The following ABCC4 variants were observed in gnomAD, a reference collection of about 807,000 sequenced individuals.
The protein encoded by ABCC4 is ATP-binding cassette sub-family C member 4.
A neutral mutation model predicts 168.5 loss-of-function variants in ABCC4; 102 were observed. That is an observed-to-expected ratio of 0.61 (90% CI 0.52 to 0.71). The LOEUF (loss-of-function observed/expected upper bound fraction) is 0.71, where lower values mean the gene tolerates loss of function less well. Among genes scored for constraint, ABCC4 ranks in the 30% least tolerant of loss-of-function variants. The probability of loss-of-function intolerance (pLI) is 0.00; values close to 1 mark genes in which losing one functional copy is unlikely to be tolerated. For synonymous variants in ABCC4, 617 were observed against 590.7 expected (o/e 1.04, Z -0.65); for missense variants, 1,402 against 1,605.8 (o/e 0.87, Z 2.17).
intron 1 of ABCC4, among the ~76,000 whole-genome samples, chr13:95,286,346 C>T (rs1001618323): frequency 6.6e-6 from 1 of 151,918 alleles, no homozygotes; most frequent in African/African-American, 2.4e-5. Flanking sequence ...TCTCCAACTC[C>T]TGACCTCAGG....
At chr13:95,157,568 A>G (rs1211273672) in intron 19 of ABCC4, among the ~76,000 whole-genome samples, 1 of 152,084 alleles carries the variant, frequency 6.6e-6, no homozygotes, top group Non-Finnish European at 1.5e-5. Flanking sequence ...AAAGAGAGAG[A>G]GAACTGGCTC....
At chr13:95,253,374 T>C (rs138696285) in intron 1 of ABCC4, among the ~76,000 whole-genome samples, 87 of 152,252 alleles carry the variant, frequency 5.7e-4, no homozygotes, top group Admixed American at 9.8e-4. Flanking sequence ...TCTGTGTTGT[T>C]TGCTGCTAAG....
chr13:95,165,342 T>C (rs1307988940), intron 15 of ABCC4, among the ~76,000 whole-genome samples: 2 of 152,164 alleles, frequency 1.3e-5, no homozygotes, highest in Non-Finnish European at 2.9e-5. Flanking sequence ...TTCCTGAGTT[T>C]CAGAAATTGA....
chr13:95,027,741 A>G (rs1202668664), intron 30 of ABCC4, among the ~76,000 whole-genome samples: 1 of 152,224 alleles, frequency 6.6e-6, no homozygotes, highest in Non-Finnish European at 1.5e-5. Flanking sequence ...ATGCAAAACA[A>G]TATTCAAAGA....
At chr13:95,242,234 A>ATTTT (rs68070552) in intron 3 of ABCC4, among the ~76,000 whole-genome samples, 179 of 150,318 alleles carry the variant, frequency 1.2e-3, no homozygotes, top group African/African-American at 4.3e-3. Context: ...TAACTCCATA[A>ATTTT]TTTTTTTTTT....
intron 3 of ABCC4, among the ~76,000 whole-genome samples, chr13:95,240,884 T>C (rs2138781886): frequency 6.6e-6 from 1 of 152,084 alleles, no homozygotes; most frequent in African/African-American, 2.4e-5. Flanking sequence ...GGCAGAAGAA[T>C]GGCTTGAACC....
At chr13:95,184,250 T>C (rs919109917) in intron 11 of ABCC4, among the ~76,000 whole-genome samples, 2 of 152,168 alleles carry the variant, frequency 1.3e-5, no homozygotes, top group African/African-American at 4.8e-5. Context: ...CCAGAGACTT[T>C]CTGATGTGGG....
chr13:95,083,759 G>A (rs2034174957), intron 20 of ABCC4, among the ~76,000 whole-genome samples: 1 of 152,106 alleles, frequency 6.6e-6, no homozygotes, highest in Admixed American at 6.6e-5. Context: ...CCGATCTCAA[G>A]TGATCTGCCC....
intron 8 of ABCC4, among the ~76,000 whole-genome samples, chr13:95,204,261 T>G (rs1171633037): frequency 1.3e-5 from 2 of 152,122 alleles, no homozygotes; most frequent in Non-Finnish European, 2.9e-5. Context: ...GTTTTTGGAA[T>G]ACAACTAGAT....
intron 25 of ABCC4, among the ~76,000 whole-genome samples, chr13:95,071,253 T>C (rs1202558627): frequency 6.6e-6 from 1 of 152,024 alleles, no homozygotes; most frequent in Non-Finnish European, 1.5e-5. Flanking sequence ...AACAGACTAA[T>C]ACAGGACCAA....
chr13:95,269,446 T>C (rs764700133), intron 1 of ABCC4: 1 of 204,464 alleles, frequency 4.9e-6, no homozygotes, highest in Non-Finnish European at 1.0e-5. Context: ...TATATATATA[T>C]ATATATATAT....
At chr13:95,062,605 C>T (rs1309583302) in intron 26 of ABCC4, 99 bp downstream of exon 26, 2 of 1,143,982 alleles carry the variant, frequency 1.7e-6, no homozygotes, top group African/African-American at 3.2e-5. Context: ...AAAAAAAAAA[C>T]AATCCTTTCA....
chr13:95,130,750 T>A (rs955647381), intron 19 of ABCC4, among the ~76,000 whole-genome samples: 2 of 152,216 alleles, frequency 1.3e-5, no homozygotes, highest in African/African-American at 2.4e-5. Context: ...AATCTTTGGT[T>A]GCGATGGAGA....
chr13:95,025,255 A>ACACACC lies in ABCC4; in HGVS notation c.3871-3574_3871-3573insGGTGTG, dbSNP rs1566351092. On this transcript the variant is annotated intron_variant, in intron 30 of 30. Coordinates refer to ENST00000645237, the MANE Select transcript of ABCC4 (RefSeq NM_005845.5). ...CACCCATACACACACACCCACACAC[A>ACACACC]CACACACCCCCACACCCCCACACAC... 1.1e-3 allele frequency among the ~76,000 whole-genome samples: 36 copies of ACACACC among 31,988 alleles called. 1 individual carries two copies. The highest frequency in any genetic ancestry group is 1.3e-3 in the Non-Finnish European group (24 of 18,312). The allele number at this position is 31,988 out of a possible 152,430, so 21.0% of individuals were successfully genotyped here.
intron 1 of ABCC4, among the ~76,000 whole-genome samples, chr13:95,249,175 C>T (rs1260762429): frequency 6.6e-6 from 1 of 151,080 alleles, no homozygotes; most frequent in Non-Finnish European, 1.5e-5. Flanking sequence ...GAGCTGTGAT[C>T]GCCACTGCAC....
At chr13:95,074,989 C>T (rs184123839) in intron 22 of ABCC4, 68 of 159,130 alleles carry the variant, frequency 4.3e-4, no homozygotes, top group Non-Finnish European at 7.4e-4. Context: ...AACTACAGCA[C>T]GTGAGCCAGC....
At chr13:95,120,280 C>T (rs1395976526) in intron 19 of ABCC4, among the ~76,000 whole-genome samples, 1 of 152,100 alleles carries the variant, frequency 6.6e-6, no homozygotes, top group Non-Finnish European at 1.5e-5. Flanking sequence ...AAGAATTGGC[C>T]TTTGAGCCAG....
chr13:95,140,719 A>G (rs1388124451), intron 19 of ABCC4, among the ~76,000 whole-genome samples: 2 of 152,166 alleles, frequency 1.3e-5, no homozygotes, highest in African/African-American at 4.8e-5. Flanking sequence ...GTTTGCAGTT[A>G]TATTCTTGGC....
chr13:95,049,664 A>T (rs61967174), intron 27 of ABCC4, among the ~76,000 whole-genome samples: 23,753 of 143,746 alleles, frequency 0.17, 2,170 homozygotes, highest in African/African-American at 0.25. Context: ...AATAAATAAA[A>T]ATAAATAAAT....
Sources: allele counts gnomAD v4.1 joint callset (sites outside exome capture counted in the v4.1 genomes callset), GRCh38; gene constraint gnomAD v4.1.1; transcripts MANE v1.5; gene names NCBI Gene and HGNC (gene_info 2026-07-23, HGNC 2026-07-21).